SGCD: variants seen among roughly 807,000 people sequenced by gnomAD.
The protein encoded by SGCD is sarcoglycan delta, also known as delta-sarcoglycan.
In SGCD, 18 loss-of-function variants were observed where a neutral mutation model predicts 36.6. The observed-to-expected ratio is 0.49, with a 90% CI of 0.34 to 0.73. The LOEUF is 0.73. Among genes scored for constraint, SGCD ranks in the 30% least tolerant of loss-of-function variants. The pLI is 0.01. For synonymous variants in SGCD, 133 were observed against 130.6 expected (o/e 1.02, Z -0.12); for missense variants, 387 against 346.7 (o/e 1.12, Z -0.92).
chr5:156,349,936 G>A (rs1358609972), intron 3 of SGCD, among the ~76,000 whole-genome samples: 3 of 151,918 alleles, frequency 2.0e-5, no homozygotes, highest in Non-Finnish European at 4.4e-5. Context: ...TTTACAGCAA[G>A]TTGTATGGAA....
At chr5:156,262,279 C>T (rs1593884) in intron 3 of SGCD, among the ~76,000 whole-genome samples, 32,538 of 151,988 alleles carry the variant, frequency 0.21, 3,889 homozygotes, top group Admixed American at 0.27. Context: ...TTTTACTGTA[C>T]ACTTTCTATG....
At chr5:156,282,173 TG>T (rs1351785575) in intron 3 of SGCD, among the ~76,000 whole-genome samples, 2 of 152,220 alleles carry the variant, frequency 1.3e-5, no homozygotes, top group Non-Finnish European at 2.9e-5. Flanking sequence ...CTGAGTCATG[TG>T]AGCATTTCAG....
chr5:156,082,546 G>C (rs1405736845), intron 1 of SGCD, among the ~76,000 whole-genome samples: 1 of 152,140 alleles, frequency 6.6e-6, no homozygotes, highest in Non-Finnish European at 1.5e-5. Context: ...CCAAGTTGTT[G>C]CATATATCAG....
chr5:156,165,061 T>C lies in SGCD; in HGVS notation c.-44+41042T>C, dbSNP rs1027207046. ...TATAGTAGGTGCTCAATATATTAAATGTGTATTTTGTTTAATTCAAGAGAC... is the reference window on the plus strand; with the variant it reads ...TATAGTAGGTGCTCAATATATTAAACGTGTATTTTGTTTAATTCAAGAGAC... On this transcript the variant is annotated intron_variant, in intron 3 of 9. Transcript: ENST00000517913. 3.3e-5 allele frequency among the ~76,000 whole-genome samples: 5 copies of C among 152,200 alleles called. No individual in the cohort carries two copies. In the East Asian group the frequency reaches 9.6e-4, roughly 29 times the overall value.
chr5:156,005,425 GTTT>G (rs1190527082), intron 1 of SGCD, among the ~76,000 whole-genome samples: 5 of 143,574 alleles, frequency 3.5e-5, no homozygotes, highest in East Asian at 2.0e-4. Context: ...GTAGTCTTCA[GTTT>G]TTGTTGTTGT....
intron 3 of SGCD, among the ~76,000 whole-genome samples, chr5:156,286,286 A>G (rs1766594367): frequency 6.6e-6 from 1 of 152,178 alleles, no homozygotes; most frequent in South Asian, 2.1e-4. Context: ...GGGATCTAGA[A>G]CTAGAAATAC....
intron 2 of SGCD, among the ~76,000 whole-genome samples, chr5:156,120,627 G>A (rs1013984882): frequency 5.3e-5 from 8 of 152,128 alleles, no homozygotes; most frequent in African/African-American, 1.9e-4. Flanking sequence ...AGAATGGATT[G>A]TAAGTACCTT....
chr5:156,540,548 C>T (rs977670259), intron 4 of SGCD, among the ~76,000 whole-genome samples: 4 of 152,122 alleles, frequency 2.6e-5, no homozygotes, highest in African/African-American at 4.8e-5. Flanking sequence ...AACACCTGTT[C>T]CTCCCTGAAT....
intron 3 of SGCD, among the ~76,000 whole-genome samples, chr5:156,442,394 G>C (rs1412647053): frequency 6.6e-6 from 1 of 152,170 alleles, no homozygotes. Flanking sequence ...TGGACCTTTT[G>C]TAAGTCCCCA....
At chr5:155,859,137 C>T in the SGCD span, among the ~76,000 whole-genome samples, 3 of 151,884 alleles carry the variant, frequency 2.0e-5, no homozygotes, top group Non-Finnish European at 4.4e-5. Context: ...TCATGGCTCA[C>T]TGCAGCCGTA....
chr5:155,948,256 G>C (rs372018535), intron 1 of SGCD, among the ~76,000 whole-genome samples: 1 of 152,082 alleles, frequency 6.6e-6, no homozygotes, highest in Non-Finnish European at 1.5e-5. Context: ...CAGCCTGGGC[G>C]ACAGGGTGAC....
the SGCD span, among the ~76,000 whole-genome samples, chr5:155,749,632 CA>C: frequency 5.3e-5 from 8 of 152,078 alleles, no homozygotes. Context: ...GGGGGGCAGC[CA>C]AAAAGGGAAG....
intron 5 of SGCD, 25 bp downstream of exon 5, chr5:156,589,343 T>A: frequency 7.3e-7 from 1 of 1,371,552 alleles, no homozygotes; most frequent in Non-Finnish European, 1.0e-6. Flanking sequence ...AACTTAACAG[T>A]GCCTAGCCCA....
At chr5:156,735,426 C>T (rs1052600368) in intron 7 of SGCD, among the ~76,000 whole-genome samples, 19 of 152,084 alleles carry the variant, frequency 1.2e-4, no homozygotes, top group Non-Finnish European at 2.1e-4. Context: ...TCTCTGTCAG[C>T]TGGAGAGCAC....
At chr5:156,073,663 G>T (rs997715354) in intron 1 of SGCD, among the ~76,000 whole-genome samples, 1 of 152,298 alleles carries the variant, frequency 6.6e-6, no homozygotes, top group African/African-American at 2.4e-5. Flanking sequence ...AGTTCTTGAT[G>T]CTTAGGGCTG....
intron 3 of SGCD, among the ~76,000 whole-genome samples, chr5:156,306,554 A>G (rs1013452453): frequency 2.0e-5 from 3 of 152,216 alleles, no homozygotes; most frequent in African/African-American, 7.2e-5. Context: ...AAGTCTCACC[A>G]TCACTGTATT....
chr5:156,643,549 G>T (rs557666744), intron 6 of SGCD, among the ~76,000 whole-genome samples: 3 of 151,886 alleles, frequency 2.0e-5, no homozygotes, highest in Admixed American at 6.6e-5. Flanking sequence ...TAACAGGAGC[G>T]GAAGAAACCT....
At chr5:156,053,973 C>T (rs1012295014) in intron 1 of SGCD, among the ~76,000 whole-genome samples, 9 of 145,394 alleles carry the variant, frequency 6.2e-5, no homozygotes, top group African/African-American at 2.2e-4. Flanking sequence ...GTAGAGTTCT[C>T]ATAACTTAAT....
the SGCD span, among the ~76,000 whole-genome samples, chr5:155,767,100 C>T: frequency 1.3e-5 from 2 of 152,192 alleles, no homozygotes; most frequent in Non-Finnish European, 2.9e-5. Flanking sequence ...CCCCTGAGCA[C>T]ATGTGAATGC....
Sources: allele counts gnomAD v4.1 joint callset (sites outside exome capture counted in the v4.1 genomes callset), GRCh38; gene constraint gnomAD v4.1.1; transcripts MANE v1.5; gene names NCBI Gene and HGNC (gene_info 2026-07-23, HGNC 2026-07-21).